ZMYM4: variants seen among roughly 807,000 people sequenced by gnomAD.
ZMYM4 encodes the protein zinc finger MYM-type containing 4.
In ZMYM4, 31 loss-of-function variants were observed where a neutral mutation model predicts 183.2. That is an observed-to-expected ratio of 0.17 (90% confidence interval 0.13 to 0.23). The LOEUF is 0.23. Among genes scored for constraint, ZMYM4 ranks in the 10% least tolerant of loss-of-function variants. The pLI, the probability that ZMYM4 is intolerant of heterozygous loss-of-function variation, is 1.00. For missense variants in ZMYM4, 1,273 were observed against 1,840.3 expected (o/e 0.69, Z 5.64); for synonymous variants, 592 against 631.2 (o/e 0.94, Z 0.93).
At chr1:35,313,288 G>A (rs1570327384) in intron 1 of ZMYM4, among the ~76,000 whole-genome samples, 1 of 152,122 alleles carries the variant, frequency 6.6e-6, no homozygotes, top group Non-Finnish European at 1.5e-5. Context: ...CCCTGCCTTG[G>A]CCTCCCAAAG....
At chr1:35,346,376 C>T (rs768468868) in intron 2 of ZMYM4, among the ~76,000 whole-genome samples, 7 of 152,190 alleles carry the variant, frequency 4.6e-5, no homozygotes, top group African/African-American at 1.2e-4. Context: ...AGAGGTGAGA[C>T]GTTGTGGCTC....
rs150442836 is a variant in ZMYM4, at chr1:35,317,389, C to T, written c.40-7971C>T. Among the ~76,000 whole-genome samples, 1,046 of 151,120 alleles carry T rather than the reference C, an allele frequency of 6.9e-3. 26 individuals are homozygous for T. In the East Asian group the frequency reaches 0.07, roughly 10 times the overall value. On this transcript the variant is annotated intron_variant, in intron 1 of 29. Transcript: ENST00000314607. ...TGGAGGCTGCAGTAAGCTGAGATTG[C>T]GCCATTGCCCTCCAGCCTGGGCAAC...
chr1:35,367,041 A>AT (rs58991896), intron 5 of ZMYM4, among the ~76,000 whole-genome samples: 1 of 151,210 alleles, frequency 6.6e-6, no homozygotes, highest in Non-Finnish European at 1.5e-5. Context: ...AAAAAAAAAA[A>AT]TTGAGATTTA....
intron 7 of ZMYM4, among the ~76,000 whole-genome samples, chr1:35,375,210 T>C (rs1644309143): frequency 6.6e-6 from 1 of 152,192 alleles, no homozygotes; most frequent in Non-Finnish European, 1.5e-5. Flanking sequence ...CTTCAACCAT[T>C]GTCAATCTTG....
At chr1:35,275,028 G>C (rs1193719351) in intron 1 of ZMYM4, among the ~76,000 whole-genome samples, 1 of 152,130 alleles carries the variant, frequency 6.6e-6, no homozygotes, top group Admixed American at 6.5e-5. Context: ...AGAATAATTT[G>C]AATTACATTC....
chr1:35,374,225 G>C lies in ZMYM4; in HGVS notation c.1181+3598G>C, dbSNP rs560753679. ...TTTTTTGTATTTTTAGTAGAGATGGGGTTTCTCCATGTTGGTCAGGCTGGT... is the reference window on the plus strand; with the variant it reads ...TTTTTTGTATTTTTAGTAGAGATGGCGTTTCTCCATGTTGGTCAGGCTGGT... On this transcript the variant is annotated intron_variant, in intron 7 of 29. Transcript: ENST00000314607. Among the ~76,000 whole-genome samples, 3 of 150,282 alleles carry C rather than the reference G, an allele frequency of 2.0e-5. No individual in the cohort carries two copies. The South Asian group carries it at 6.3e-4, about 32-fold the overall frequency.
chr1:35,282,869 T>C (rs898466752), intron 1 of ZMYM4, among the ~76,000 whole-genome samples: 19 of 151,994 alleles, frequency 1.3e-4, no homozygotes, highest in African/African-American at 4.6e-4. Context: ...GTTTATCTTT[T>C]TGAGGAACCT....
chr1:35,342,411 T>G (rs955001535), intron 2 of ZMYM4, among the ~76,000 whole-genome samples: 9 of 152,266 alleles, frequency 5.9e-5, no homozygotes, highest in Admixed American at 3.3e-4. Flanking sequence ...TCCTCCTGCC[T>G]TGGCCTCCCA....
At chr1:35,292,779 C>T (rs760487394) in intron 1 of ZMYM4, among the ~76,000 whole-genome samples, 8 of 152,152 alleles carry the variant, frequency 5.3e-5, no homozygotes, top group Middle Eastern at 3.4e-3. Context: ...GGATTACAGG[C>T]GTGAGCCACC....
At chr1:35,356,477 AATTG>A (rs1643823552) in intron 2 of ZMYM4, among the ~76,000 whole-genome samples, 1 of 152,146 alleles carries the variant, frequency 6.6e-6, no homozygotes, top group Non-Finnish European at 1.5e-5. Context: ...CTGTTGTCTC[AATTG>A]ATTATTTTAG....
intron 2 of ZMYM4, among the ~76,000 whole-genome samples, chr1:35,329,916 A>G (rs1226594039): frequency 3.9e-5 from 6 of 152,112 alleles, no homozygotes; most frequent in Admixed American, 6.6e-5. Context: ...ATAGAAGCAC[A>G]ATAGAACTTT....
intron 1 of ZMYM4, among the ~76,000 whole-genome samples, chr1:35,291,307 G>A (rs1297621493): frequency 6.6e-6 from 1 of 151,778 alleles, no homozygotes; most frequent in Non-Finnish European, 1.5e-5. Context: ...GCAGAAATAG[G>A]GTGCCGGGTC....
chr1:35,320,297 T>G (rs948672927), intron 1 of ZMYM4, among the ~76,000 whole-genome samples: 1 of 152,198 alleles, frequency 6.6e-6, no homozygotes, highest in Non-Finnish European at 1.5e-5. Flanking sequence ...GGCTGCATAA[T>G]GAAGCCTCCA....
At chr1:35,269,923 A>C (rs760642844) in intron 1 of ZMYM4, among the ~76,000 whole-genome samples, 1 of 152,338 alleles carries the variant, frequency 6.6e-6, no homozygotes, top group South Asian at 2.1e-4. Flanking sequence ...GCTTAGCATG[A>C]TAAGAAGTAA....
At position 35,408,114 on chromosome 1, in the gene ZMYM4, A is replaced by G. The variant is rs771641932; in HGVS notation, c.3903A>G (p.Lys1301=). Reference sequence around the variant, plus strand: ...AGGTGCGGAGACCAAATGGTGAAAAATATGATCCAGACAGTATCTTATACT... The same window carrying G: ...AGGTGCGGAGACCAAATGGTGAAAAGTATGATCCAGACAGTATCTTATACT... ...IQEVRRPNGE[K]YDPDSILYLC... The change falls in exon 26 of 30, where the codon AAA becomes AAG. Residue 1301 remains lysine (K), a synonymous_variant. Coordinates refer to ENST00000314607, the MANE Select transcript of ZMYM4 (RefSeq NM_005095.3). 5 of 1,614,234 alleles carry G rather than the reference A, an allele frequency of 3.1e-6. No homozygotes were observed. The South Asian group carries it at 4.4e-5, about 14-fold the overall frequency.
chr1:35,332,886 G>C (rs539568968), intron 2 of ZMYM4, among the ~76,000 whole-genome samples: 1 of 151,966 alleles, frequency 6.6e-6, no homozygotes, highest in African/African-American at 2.4e-5. Context: ...TTGTAGAAAT[G>C]GGTCTTGGCT....
At chr1:35,410,054 A>G (rs1002610145) in intron 26 of ZMYM4, among the ~76,000 whole-genome samples, 5 of 152,108 alleles carry the variant, frequency 3.3e-5, no homozygotes, top group Non-Finnish European at 4.4e-5. Context: ...CAATCACGGC[A>G]TCATATGATC....
At chr1:35,280,639 A>G (rs914747535) in intron 1 of ZMYM4, among the ~76,000 whole-genome samples, 2 of 152,206 alleles carry the variant, frequency 1.3e-5, no homozygotes, top group Non-Finnish European at 2.9e-5. Context: ...CCTTTAGGGA[A>G]GAATTCTTCC....
At chr1:35,297,538 G>T (rs1294636910) in intron 1 of ZMYM4, among the ~76,000 whole-genome samples, 1 of 151,924 alleles carries the variant, frequency 6.6e-6, no homozygotes, top group Non-Finnish European at 1.5e-5. Flanking sequence ...CTCTTTCTCT[G>T]ACTGTGACTT....
Sources: allele counts gnomAD v4.1 joint callset (sites outside exome capture counted in the v4.1 genomes callset), GRCh38; gene constraint gnomAD v4.1.1; transcripts MANE v1.5; gene names NCBI Gene and HGNC (gene_info 2026-07-23, HGNC 2026-07-21).